UGT1A8: variants seen among roughly 807,000 people sequenced by gnomAD.
UGT1A8 encodes the protein UDP-glucuronosyltransferase 1A8.
Under a neutral mutation model 45.3 loss-of-function variants are expected in UGT1A8, and 39 were observed. The ratio of observed to expected loss-of-function variants is 0.86; its 90% CI spans 0.67 to 1.12. The LOEUF is 1.12. Ranked by LOEUF, UGT1A8 falls within the 50% of genes most tolerant of loss-of-function variation. The probability of loss-of-function intolerance (pLI) is 0.00; values close to 1 mark genes in which losing one functional copy is unlikely to be tolerated. For synonymous variants in UGT1A8, 275 were observed against 249.2 expected (o/e 1.10, Z -0.97); for missense variants, 719 against 664.9 (o/e 1.08, Z -0.90).
intron 1 of UGT1A8, among the ~76,000 whole-genome samples, chr2:233,658,490 C>T (rs1341980513): frequency 2.0e-5 from 3 of 152,144 alleles, no homozygotes; most frequent in Non-Finnish European, 2.9e-5. Flanking sequence ...GACATTTAGC[C>T]CATCACGCCC....
At chr2:233,748,100 CCAAT>C (rs1693866670) in intron 1 of UGT1A8, 1 of 1,612,644 alleles carries the variant, frequency 6.2e-7, no homozygotes, top group South Asian at 1.1e-5. Context: ...GTGCCTTCAT[CCAAT>C]CAATGTTCCA....
At position 233,618,197 on chromosome 2, in the gene UGT1A8, C is replaced by T. The variant is rs745652012; in HGVS notation, c.490C>T (p.Pro164Ser). ...GLIVAKYFSLPSVVFARGIAC... is the reference protein window; with the variant it reads ...GLIVAKYFSLSSVVFARGIAC... The stretch of plus-strand genomic sequence containing the variant: ...AATTGTTGCCAAATATTTCTCCCTC[C>T]CCTCTGTGGTCTTCGCCAGGGGAAT... Residue 164 changes from proline (P) to serine (S), a missense_variant, in exon 1 of 5, where the codon CCC becomes TCC. Physicochemically the swap from Pro to Ser is moderately conservative, Grantham distance 74 (BLOSUM62 -1). Coordinates refer to ENST00000373450, the MANE Select transcript of UGT1A8 (RefSeq NM_019076.5). 6.2e-7 allele frequency: 1 copy of T among 1,613,992 alleles called. No individual in the cohort carries two copies. The highest frequency in any genetic ancestry group is 1.1e-5 in the South Asian group (1 of 91,074).
intron 1 of UGT1A8, among the ~76,000 whole-genome samples, chr2:233,701,932 G>T (rs536238836): frequency 2.6e-5 from 4 of 151,994 alleles, no homozygotes; most frequent in African/African-American, 9.7e-5. Flanking sequence ...ACAATTAAAA[G>T]AACTAGAAAA....
At chr2:233,765,919 C>T (rs1268265280) in intron 1 of UGT1A8, among the ~76,000 whole-genome samples, 1 of 152,104 alleles carries the variant, frequency 6.6e-6, no homozygotes, top group Non-Finnish European at 1.5e-5. Flanking sequence ...GGGGAGCATA[C>T]AGACGGGCAG....
intron 1 of UGT1A8, chr2:233,648,000 G>A: frequency 1.9e-6 from 3 of 1,606,942 alleles, no homozygotes; most frequent in Non-Finnish European, 2.6e-6. Context: ...GGCATGAGGT[G>A]GTTGTAGTCA....
intron 1 of UGT1A8, among the ~76,000 whole-genome samples, chr2:233,732,527 T>G (rs920037607): frequency 6.6e-6 from 1 of 152,244 alleles, no homozygotes; most frequent in African/African-American, 2.4e-5. Context: ...TTTCTACATA[T>G]GGCCAGTTTT....
chr2:233,696,866 G>A, intron 1 of UGT1A8, among the ~76,000 whole-genome samples: 1 of 152,130 alleles, frequency 6.6e-6, no homozygotes, highest in East Asian at 1.9e-4. Context: ...TGTTTTTTCA[G>A]CATCTACAAC....
rs751408172 is a variant in UGT1A8, at chr2:233,768,227, G to C, written c.1083G>C (p.Pro361=). Residue 361 remains proline, a synonymous_variant, in exon 4 of 5, where the codon CCG becomes CCC. Coordinates refer to ENST00000373450, the MANE Select transcript of UGT1A8 (RefSeq NM_019076.5). ...CCCTATTTTGCATCTCAGGTCACCCGATGACCCGTGCCTTTATCACCCATG... is the reference window on the plus strand; with the variant it reads ...CCCTATTTTGCATCTCAGGTCACCCCATGACCCGTGCCTTTATCACCCATG... ...WLPQNDLLGH[P]MTRAFITHAG... The C allele has an allele frequency of 5.0e-6, 8 of 1,614,014 alleles. No homozygotes were observed. The African/African-American group carries it at 8.0e-5, about 16-fold the overall frequency.
At chr2:233,765,130 A>G (rs1448520577) in intron 1 of UGT1A8, among the ~76,000 whole-genome samples, 4 of 152,148 alleles carry the variant, frequency 2.6e-5, no homozygotes, top group Non-Finnish European at 4.4e-5. Context: ...AGGTTTTAGC[A>G]CTGAACATCA....
At position 233,735,860 on chromosome 2, in the gene UGT1A8, G is replaced by A. The variant is rs189938280; in HGVS notation, c.856-31174G>A. ...GCCCCCACTCTCTTCTGTCTTGTAG[G>A]GTTTCTGCAGAGAGATCTGCTGTTA... On this transcript the variant is annotated intron_variant, in intron 1 of 4. Coordinates refer to ENST00000373450, the MANE Select transcript of UGT1A8 (RefSeq NM_019076.5). Among the ~76,000 whole-genome samples the A allele has an allele frequency of 7.9e-5, 12 of 151,742 alleles. No individual in the cohort carries two copies. The East Asian group carries it at 1.9e-3, about 24-fold the overall frequency.
At chr2:233,686,906 C>G (rs953257681) in intron 1 of UGT1A8, among the ~76,000 whole-genome samples, 1 of 152,186 alleles carries the variant, frequency 6.6e-6, no homozygotes, top group Non-Finnish European at 1.5e-5. Context: ...GAGGGGTCAA[C>G]AAGAAAGGGC....
At chr2:233,761,732 T>TC (rs1575783874) in intron 1 of UGT1A8, among the ~76,000 whole-genome samples, 1 of 152,336 alleles carries the variant, frequency 6.6e-6, no homozygotes, top group East Asian at 1.9e-4. Flanking sequence ...GGTTTATTTT[T>TC]CCCCTACAGA....
chr2:233,674,692 A>T (rs1029159976), intron 1 of UGT1A8, among the ~76,000 whole-genome samples: 2 of 152,200 alleles, frequency 1.3e-5, no homozygotes, highest in African/African-American at 4.8e-5. Context: ...TCTATTAAAG[A>T]ATATGGATGT....
At chr2:233,649,491 A>G (rs1337683333) in intron 1 of UGT1A8, among the ~76,000 whole-genome samples, 1 of 152,262 alleles carries the variant, frequency 6.6e-6, no homozygotes, top group African/African-American at 2.4e-5. Flanking sequence ...ATCTGTTGAA[A>G]TTATATATAA....
chr2:233,693,747 A>G (rs2075178821), intron 1 of UGT1A8: 1 of 1,614,228 alleles, frequency 6.2e-7, no homozygotes, highest in South Asian at 1.1e-5. Flanking sequence ...ACCTTATATC[A>G]GAAGGTCTCT....
chr2:233,746,172 C>A (rs766361306), intron 1 of UGT1A8, among the ~76,000 whole-genome samples: 1 of 151,822 alleles, frequency 6.6e-6, no homozygotes, highest in Non-Finnish European at 1.5e-5. Flanking sequence ...AAAATCTTGC[C>A]TGTAAGGAAT....
chr2:233,713,651 G>A (rs1051554487), intron 1 of UGT1A8: 2 of 1,613,832 alleles, frequency 1.2e-6, no homozygotes, highest in African/African-American at 1.3e-5. Flanking sequence ...CTCTGGCCCT[G>A]TCCTACCTTT....
chr2:233,710,310 G>C (rs566439380), intron 1 of UGT1A8, among the ~76,000 whole-genome samples: 1 of 152,308 alleles, frequency 6.6e-6, no homozygotes, highest in Non-Finnish European at 1.5e-5. Flanking sequence ...TGCATGGTAG[G>C]TGTATGTATG....
intron 1 of UGT1A8, among the ~76,000 whole-genome samples, chr2:233,687,438 C>T (rs1214319120): frequency 1.3e-5 from 2 of 151,960 alleles, no homozygotes; most frequent in Non-Finnish European, 2.9e-5. Flanking sequence ...CCAGGTGCTA[C>T]CCTAAGTATT....
Sources: gnomAD v4.1 joint callset for allele counts (sites outside exome capture counted in the v4.1 genomes callset) on GRCh38, gnomAD v4.1.1 for gene constraint, MANE v1.5 for transcripts, NCBI Gene and HGNC (gene_info 2026-07-23, HGNC 2026-07-21) for gene names.